SCAPER: variants seen among roughly 807,000 people sequenced by gnomAD.
SCAPER encodes the protein S-phase cyclin A associated protein in the ER.
A neutral mutation model predicts 182.2 loss-of-function variants in SCAPER; 98 were observed. The ratio of observed to expected loss-of-function variants is 0.54; its 90% CI spans 0.46 to 0.64. The LOEUF is 0.64. SCAPER is among the 30% of genes least tolerant of loss of function. The probability of loss-of-function intolerance (pLI) is 0.00; values close to 1 mark genes in which losing one functional copy is unlikely to be tolerated. For missense variants in SCAPER, 1,432 were observed against 1,690.0 expected, an observed-to-expected ratio of 0.85 and a Z score of 2.68; for synonymous variants, 605 against 564.6, an observed-to-expected ratio of 1.07 and a Z score of -1.01.
At chr15:76,741,284 T>C (rs888784430) in intron 15 of SCAPER, among the ~76,000 whole-genome samples, 1 of 152,130 alleles carries the variant, frequency 6.6e-6, no homozygotes, top group African/African-American at 2.4e-5. Context: ...GAGGGTGGGA[T>C]TGAGTTTCCT....
At chr15:76,637,263 T>C (rs2053680281) in intron 21 of SCAPER, among the ~76,000 whole-genome samples, 1 of 152,142 alleles carries the variant, frequency 6.6e-6, no homozygotes, top group Non-Finnish European at 1.5e-5. Flanking sequence ...AGGGTATATA[T>C]CTAAGAGCAG....
Position 76,659,055 on chromosome 15 carries a change from CAACA to C in SCAPER, c.2645+6594_2645+6597del, listed in dbSNP as rs1354715711. On this transcript the variant is annotated intron_variant, in intron 21 of 31. Transcript: ENST00000563290. Reference sequence around the variant, plus strand: ...AAGCCAAAAACAATTGCAACAACAACAACAAACAATTGACAAATGAGACCTATTT... The same window carrying C: ...AAGCCAAAAACAATTGCAACAACAACAACAATTGACAAATGAGACCTATTT... Among the ~76,000 whole-genome samples the C allele has an allele frequency of 5.9e-5, 9 of 152,180 alleles. No individual in the cohort carries two copies. In the East Asian group the frequency reaches 1.7e-3, roughly 29 times the overall value.
At chr15:76,728,777 T>C (rs767046039) in intron 16 of SCAPER, 40 bp from the exon 17 acceptor site, 8 of 1,566,574 alleles carry the variant, frequency 5.1e-6, no homozygotes. Context: ...TAGAATTATG[T>C]GTAAAATAAA....
intron 22 of SCAPER, among the ~76,000 whole-genome samples, chr15:76,577,640 G>C (rs998187225): frequency 6.6e-6 from 1 of 152,058 alleles, no homozygotes; most frequent in Non-Finnish European, 1.5e-5. Context: ...ACCCAGTCCT[G>C]GAAGGATTTG....
intron 25 of SCAPER, among the ~76,000 whole-genome samples, chr15:76,450,661 C>A (rs996282230): frequency 3.3e-5 from 5 of 152,194 alleles, no homozygotes; most frequent in Non-Finnish European, 7.3e-5. Flanking sequence ...TCAAACGATT[C>A]TCGTGCCTCA....
Position 76,574,207 on chromosome 15 carries a change from G to T in SCAPER, c.2789C>A (p.Ser930Tyr). ...DSGSWANNKVSALDRTLGEIT... is the reference protein window; with the variant it reads ...DSGSWANNKVYALDRTLGEIT... ...CTCTCCTAGGGTCCGATCCAAAGCA[G>T]ACACTTTATTGTTTGCCCATGAGCC... Residue 930 changes from serine to tyrosine, a missense_variant, in exon 23 of 32, where the codon TCT becomes TAT. Ser to Tyr is a moderately radical substitution (Grantham distance 144). This residue lies in a region of SCAPER where 718 missense variants were observed against 799.7 expected (regional missense o/e 0.90). Coordinates refer to ENST00000563290, the MANE Select transcript of SCAPER (RefSeq NM_020843.4). 1 of 1,610,984 alleles carries T rather than the reference G, an allele frequency of 6.2e-7. No homozygotes were observed. The highest frequency in any genetic ancestry group is 8.5e-7 in the Non-Finnish European group (1 of 1,178,612).
At position 76,376,288 on chromosome 15, in the gene SCAPER, C is replaced by T. The variant is rs750570976; in HGVS notation, c.3729G>A (p.Leu1243=). The change falls in exon 29 of 32, where the codon TTG becomes TTA. Residue 1243 remains leucine, a synonymous_variant. Transcript: ENST00000563290. ...TGGCCATGTGCCGGAATGCAAGGGA[C>T]AAGCCCTCTGCCCCTACAATAGACT... The part of the protein sequence containing the change: ...AFQSIVGAEG[L]SLAFRHMASS... 5 of 1,613,362 alleles carry T rather than the reference C, an allele frequency of 3.1e-6. No individual in the cohort carries two copies. In the African/African-American group the frequency reaches 5.3e-5, roughly 17 times the overall value.
At chr15:76,382,139 A>AG (rs1284857962) in intron 27 of SCAPER, among the ~76,000 whole-genome samples, 1 of 152,170 alleles carries the variant, frequency 6.6e-6, no homozygotes, top group African/African-American at 2.4e-5. Flanking sequence ...TGAGGAGTAC[A>AG]GGCAGGACAG....
chr15:76,837,083 C>T (rs1034953983), intron 5 of SCAPER, among the ~76,000 whole-genome samples: 2 of 151,954 alleles, frequency 1.3e-5, no homozygotes, highest in Non-Finnish European at 2.9e-5. Context: ...GCAAAAGAAA[C>T]AATTAACAAA....
chr15:76,434,562 T>C (rs993491690), intron 25 of SCAPER, among the ~76,000 whole-genome samples: 1 of 152,226 alleles, frequency 6.6e-6, no homozygotes. Flanking sequence ...ACCTGTATCA[T>C]AGAATTTTTG....
intron 17 of SCAPER, among the ~76,000 whole-genome samples, chr15:76,725,647 T>C (rs555358838): frequency 6.6e-6 from 1 of 152,102 alleles, no homozygotes; most frequent in Non-Finnish European, 1.5e-5. Flanking sequence ...AACAGACATG[T>C]ATATAGTCCA....
intron 24 of SCAPER, among the ~76,000 whole-genome samples, chr15:76,484,195 A>C (rs2051396549): frequency 6.6e-6 from 1 of 152,174 alleles, no homozygotes; most frequent in African/African-American, 2.4e-5. Context: ...GAGAGACATG[A>C]GGGAACCTTA....
intron 5 of SCAPER, among the ~76,000 whole-genome samples, chr15:76,816,827 T>A (rs1212134404): frequency 6.6e-6 from 1 of 152,054 alleles, no homozygotes; most frequent in African/African-American, 2.4e-5. Flanking sequence ...TAATTTTTTT[T>A]GTATTTTTGT....
At chr15:76,530,970 T>C (rs1212357938) in intron 23 of SCAPER, among the ~76,000 whole-genome samples, 1 of 151,452 alleles carries the variant, frequency 6.6e-6, no homozygotes, top group Non-Finnish European at 1.5e-5. Flanking sequence ...TATGTGTATA[T>C]ATACGTATAT....
At chr15:76,827,248 G>A (rs963375080) in intron 5 of SCAPER, among the ~76,000 whole-genome samples, 2 of 152,150 alleles carry the variant, frequency 1.3e-5, no homozygotes, top group African/African-American at 4.8e-5. Context: ...TCAGGGCTGA[G>A]GTTATTTCAT....
chr15:76,696,634 T>G (rs756976092), intron 20 of SCAPER, among the ~76,000 whole-genome samples: 2 of 152,200 alleles, frequency 1.3e-5, no homozygotes, highest in African/African-American at 2.4e-5. Flanking sequence ...ACATGCTTGC[T>G]ACTTCAAGCA....
chr15:76,622,413 G>A (rs565654570), intron 21 of SCAPER, among the ~76,000 whole-genome samples: 4 of 150,362 alleles, frequency 2.7e-5, no homozygotes, highest in Admixed American at 2.0e-4. Context: ...AACAATGACA[G>A]GTGAAAAAAA....
At chr15:76,737,146 A>G (rs541164483) in intron 15 of SCAPER, among the ~76,000 whole-genome samples, 1 of 152,314 alleles carries the variant, frequency 6.6e-6, no homozygotes, top group East Asian at 1.9e-4. Flanking sequence ...AGAAAGTCTT[A>G]ATTTCCTTTG....
chr15:76,355,693 A>G (rs1184354283), intron 29 of SCAPER, among the ~76,000 whole-genome samples: 2 of 152,098 alleles, frequency 1.3e-5, no homozygotes, highest in Non-Finnish European at 2.9e-5. Flanking sequence ...GTTAAAGACA[A>G]CTCCTGGTGC....
Sources: allele counts gnomAD v4.1 joint callset (sites outside exome capture counted in the v4.1 genomes callset), GRCh38; gene constraint gnomAD v4.1.1; regional missense constraint gnomAD v4.1.1; transcripts MANE v1.5; gene names NCBI Gene and HGNC (gene_info 2026-07-23, HGNC 2026-07-21).